The following SERAC1 variants were observed in gnomAD, a reference collection of about 807,000 sequenced individuals.
SERAC1 encodes serine active site containing 1.
Under a neutral mutation model 85.7 loss-of-function variants are expected in SERAC1, and 36 were observed. The observed-to-expected ratio is 0.42, with a 90% CI of 0.32 to 0.55. The LOEUF (loss-of-function observed/expected upper bound fraction) is 0.55, where lower values mean the gene tolerates loss of function less well. Among genes scored for constraint, SERAC1 ranks in the 20% least tolerant of loss-of-function variants. The pLI, the probability that SERAC1 is intolerant of heterozygous loss-of-function variation, is 0.11. For synonymous variants in SERAC1, 242 were observed against 265.3 expected (o/e 0.91, Z 0.85); for missense variants, 629 against 796.2 (o/e 0.79, Z 2.53).
Position 158,117,734 on chromosome 6 carries a change from T to C in SERAC1, c.1396A>G (p.Met466Val), listed in dbSNP as rs115459512. The stretch of plus-strand genomic sequence containing the variant: ...TAAAGTCGCCTCTGTTACCTTTCCA[T>C]AGGGCACCTTGCTCTCCAGTCGCTG... ...SLSDWRARCP[M>V]ERKSIAFRSN... is the part of the protein sequence containing the mutation. The change falls in exon 13 of 17, where the codon ATG becomes GTG. Residue 466 changes from methionine to valine, a missense_variant. Coordinates refer to ENST00000647468, the MANE Select transcript of SERAC1 (RefSeq NM_032861.4). The surrounding 1 kb of genome is among the most constrained non-coding windows in gnomAD (Gnocchi z 4.3). 1.5e-5 allele frequency: 24 copies of C among 1,614,090 alleles called. No homozygotes were observed. The African/African-American group carries it at 2.8e-4, about 19-fold the overall frequency.
At position 158,150,548 on chromosome 6, in the gene SERAC1, T is replaced by G. The variant is rs1785179049; in HGVS notation, c.170A>C (p.Lys57Thr). 2.5e-6 allele frequency: 4 copies of G among 1,602,620 alleles called. No individual in the cohort carries two copies. The highest frequency in any genetic ancestry group is 3.4e-6 in the Non-Finnish European group (4 of 1,171,030). The change falls in exon 4 of 17, where the codon AAG becomes ACG. Residue 57 changes from lysine (K) to threonine (T), a missense_variant. Lys to Thr is a moderately conservative substitution (Grantham distance 78). Transcript: ENST00000647468. Reference sequence around the variant, plus strand: ...CACTTGAGTATCTAATGTCACAGCCTTCTTCAGGGCCAGAACTTCATATGT... The same window carrying G: ...CACTTGAGTATCTAATGTCACAGCCGTCTTCAGGGCCAGAACTTCATATGT... ...FLTYEVLALK[K>T]AVTLDTQVVE...
Position 158,148,853 on chromosome 6 carries a change from G to A in SERAC1, c.355+12C>T, listed in dbSNP as rs570773562. ...ACTGATAAGGATTCCAAGTCATATA[G>A]TGGATATTTACCAGCAAATGGATTC... On this transcript the variant is annotated intron_variant, in intron 5 of 16. Transcript: ENST00000647468. 1 of 1,575,978 alleles carries A rather than the reference G, an allele frequency of 6.3e-7. No homozygotes were observed. The highest frequency in any genetic ancestry group is 1.3e-5 in the African/African-American group (1 of 74,098).
chr6:158,127,352 G>A (rs1345309854), intron 10 of SERAC1, among the ~76,000 whole-genome samples: 15 of 10,534 alleles, frequency 1.4e-3, no homozygotes, highest in Admixed American at 4.8e-3. Context: ...CCGGCCAGCC[G>A]CCCCGTCCGG....
In SERAC1 at chr6:158,114,915, CAG is replaced by C. The variant is rs1391590406; in HGVS notation, c.1556_1557del (p.Thr519SerfsTer12). On this transcript the variant is annotated frameshift_variant, in exon 15 of 17. Coordinates refer to ENST00000647468, the MANE Select transcript of SERAC1 (RefSeq NM_032861.4). LOFTEE classifies it high-confidence loss of function. ...LEASTKPEMS[T>X]VINNTRGIIF... ...ATTATTCCTCTGGTATTGTTGATAA[CAG>C]TACTCATTTCTGGCTTCGTAGAGGC... is the stretch of plus-strand genomic sequence containing the variant. The C allele has an allele frequency of 1.2e-6, 2 of 1,613,906 alleles. No individual in the cohort carries two copies. Among genetic ancestry groups the C allele is most frequent in the African/African-American group, 2.7e-5 (2 of 75,006 alleles).
chr6:158,132,008 A>AGG (rs1009561498), intron 8 of SERAC1, among the ~76,000 whole-genome samples: 7 of 152,026 alleles, frequency 4.6e-5, no homozygotes, highest in Non-Finnish European at 1.0e-4. Flanking sequence ...TCGTGTAGAG[A>AGG]GAGAGAGTGT....
Position 158,128,132 on chromosome 6 carries a change from G to A in SERAC1, c.991C>T (p.Leu331Phe). 3.1e-6 allele frequency: 5 copies of A among 1,613,294 alleles called. No individual in the cohort carries two copies. The highest frequency in any genetic ancestry group is 1.7e-6 in the Non-Finnish European group (2 of 1,179,670). The change falls in exon 10 of 17, where the codon CTT becomes TTT. Residue 331 changes from leucine to phenylalanine, a missense_variant. Leu to Phe is a conservative substitution (Grantham distance 22). Transcript: ENST00000647468. ...VIGNMALNEH[L>F]HSSIVRSGWV... ...CCTGAGCGAACTATAGAAGAATGAA[G>A]ATGTTCATTCAAAGCCATATTTCCA...
At chr6:158,148,795 T>C in intron 5 of SERAC1, 70 bp downstream of exon 5, 4 of 1,105,654 alleles carry the variant, frequency 3.6e-6, no homozygotes, top group Non-Finnish European at 5.3e-6. Flanking sequence ...TGAAAAAAAG[T>C]ATCAGGTTGA....
intron 10 of SERAC1, among the ~76,000 whole-genome samples, chr6:158,127,250 C>CATGAGGGGTAGAGG (rs138622272): frequency 5.8e-5 from 4 of 68,928 alleles, no homozygotes; most frequent in South Asian, 4.9e-4. Context: ...ATGAACATAT[C>CATGAGGGGTAGAGG]TCGGCCCCCC....
chr6:158,130,869 G>A (rs1231147963), intron 8 of SERAC1, among the ~76,000 whole-genome samples: 1 of 152,140 alleles, frequency 6.6e-6, no homozygotes, highest in African/African-American at 2.4e-5. Flanking sequence ...CCTACTTAAA[G>A]TCTAATAATC....
At chr6:158,156,884 TAATATATTTATATA>T (rs1269362417) in intron 2 of SERAC1, among the ~76,000 whole-genome samples, 2 of 132,350 alleles carry the variant, frequency 1.5e-5, no homozygotes, top group African/African-American at 5.7e-5. Flanking sequence ...ATATAGATAT[TAATATATTTATATA>T]GATATTAATA....
At chr6:158,126,024 A>G (rs1562439582) in intron 10 of SERAC1, among the ~76,000 whole-genome samples, 1 of 152,200 alleles carries the variant, frequency 6.6e-6, no homozygotes, top group African/African-American at 2.4e-5. Flanking sequence ...TAACCAAACG[A>G]TATCAATAAT....
Position 158,155,302 on chromosome 6 carries a change from G to C in SERAC1, c.128+13C>G. On this transcript the variant is annotated intron_variant, in intron 3 of 16. Transcript: ENST00000647468. ...TAATGAAGCCAATTAATATTCCACAGTTGACGACTTACCCTAAAATAAGTG... is the reference window on the plus strand; with the variant it reads ...TAATGAAGCCAATTAATATTCCACACTTGACGACTTACCCTAAAATAAGTG... 1 of 1,531,430 alleles carries C rather than the reference G, an allele frequency of 6.5e-7. No homozygotes were observed. The highest frequency in any genetic ancestry group is 9.0e-7 in the Non-Finnish European group (1 of 1,106,544). The allele number at this position is 1,531,430 out of a possible 1,614,324, so 94.9% of individuals were successfully genotyped here.
intron 14 of SERAC1, 106 bp from the exon 15 acceptor site, chr6:158,115,077 TC>T: frequency 8.1e-7 from 1 of 1,239,150 alleles, no homozygotes; most frequent in East Asian, 2.3e-5. Context: ...AGAGATGCTT[TC>T]TTTTTAAAAA....
At chr6:158,140,138 T>A (rs2128418861) in intron 8 of SERAC1, among the ~76,000 whole-genome samples, 1 of 152,352 alleles carries the variant, frequency 6.6e-6, no homozygotes, top group East Asian at 1.9e-4. Flanking sequence ...ATTTGGTCTC[T>A]ACCCCTGGTT....
At position 158,143,329 on chromosome 6, in the gene SERAC1, CTCTCTCTCTCTCTCTCTCTATATATA is replaced by C. The variant is rs200733198; in HGVS notation, c.610-171_610-146del. The C allele has an allele frequency of 0.03, 6,463 of 218,790 alleles. 320 individuals carry two copies. The highest frequency in any genetic ancestry group is 0.27 in the African/African-American group (4,801 of 17,504). The allele number at this position is 218,790 out of a possible 1,614,324, so 13.6% of individuals were successfully genotyped here. ...TGTCTCTCTCTCTCTCTCTCTCTCT[CTCTCTCTCTCTCTCTCTCTATATATA>C]TATATATATATATATATATACACAC... On this transcript the variant is annotated intron_variant, in intron 7 of 16. Transcript: ENST00000647468.
intron 10 of SERAC1, among the ~76,000 whole-genome samples, chr6:158,126,345 T>C (rs1353384212): frequency 6.6e-6 from 1 of 151,106 alleles, no homozygotes; most frequent in African/African-American, 2.4e-5. Flanking sequence ...TGTGGGCATA[T>C]CATAAAGGAC....
intron 1 of SERAC1, among the ~76,000 whole-genome samples, chr6:158,164,446 G>T (rs375958811): frequency 2.0e-5 from 3 of 152,048 alleles, no homozygotes; most frequent in Admixed American, 6.6e-5. Context: ...CGGCAGTCCA[G>T]CCTGGGCGAC....
intron 3 of SERAC1, among the ~76,000 whole-genome samples, chr6:158,151,704 C>T (rs1785208848): frequency 3.9e-5 from 6 of 152,232 alleles, no homozygotes; most frequent in Admixed American, 1.3e-4. Flanking sequence ...GGATTACAGG[C>T]GTGAGCTGCC....
rs145969522 is a variant in SERAC1, at chr6:158,115,762, C to T, written c.1501+423G>A. On this transcript the variant is annotated intron_variant, in intron 14 of 16. Transcript: ENST00000647468. ...GCTCTGGGCCTGGTGTGAGCAGGCA[C>T]CCAGAGTCTGGGACTGTGGGCACTA... Among the ~76,000 whole-genome samples, 1,030 of 152,188 alleles carry T rather than the reference C, an allele frequency of 6.8e-3. 16 individuals are homozygous for T. The highest frequency in any genetic ancestry group is 0.024 in the African/African-American group (982 of 41,510).
Sources: gnomAD v4.1 joint callset for allele counts (sites outside exome capture counted in the v4.1 genomes callset) on GRCh38, gnomAD v4.1.1 for gene constraint, Gnocchi (gnomAD v3.1) non-coding constraint, MANE v1.5 for transcripts, NCBI Gene and HGNC (gene_info 2026-07-23, HGNC 2026-07-21) for gene names.